Variants in GRM8 observed in about 807,000 individuals in gnomAD.
GRM8 encodes glutamate metabotropic receptor 8.
Under a neutral mutation model 87.2 loss-of-function variants are expected in GRM8, and 47 were observed. The ratio of observed to expected loss-of-function variants is 0.54; its 90% confidence interval spans 0.43 to 0.69. GRM8 has a LOEUF of 0.69. Among genes scored for constraint, GRM8 ranks in the 30% least tolerant of loss-of-function variants. GRM8 has a pLI of 0.00. For missense variants in GRM8, 1,019 were observed against 1,139.2 expected (o/e 0.89, Z 1.52); for synonymous variants, 396 against 404.5 (o/e 0.98, Z 0.25).
chr7:126,863,868 A>G (rs1257471473), intron 6 of GRM8, among the ~76,000 whole-genome samples: 2 of 151,784 alleles, frequency 1.3e-5, no homozygotes, highest in East Asian at 3.8e-4. Flanking sequence ...TATCTTTACT[A>G]ATGGTTAACT....
intron 3 of GRM8, among the ~76,000 whole-genome samples, chr7:126,993,473 A>C (rs1225407150): frequency 2.0e-5 from 3 of 152,216 alleles, no homozygotes; most frequent in African/African-American, 7.2e-5. Context: ...AAGGAACACC[A>C]CATTTTAACA....
chr7:126,713,159 C>T lies in GRM8; in HGVS notation c.1357+56706G>A, dbSNP rs934106431. ...GACACATGCACGTGAATGTTTATTA[C>T]AGTACTATTCACAATAACAAAGACT... is the stretch of plus-strand genomic sequence containing the variant. On this transcript the variant is annotated intron_variant, in intron 7 of 10. Coordinates refer to ENST00000339582, the MANE Select transcript of GRM8 (RefSeq NM_000845.3). 3.3e-5 allele frequency among the ~76,000 whole-genome samples: 5 copies of T among 152,170 alleles called. No individual in the cohort carries two copies. In the South Asian group the frequency reaches 1.0e-3, roughly 32 times the overall value.
chr7:126,503,388 G>A (rs965098558), intron 9 of GRM8, among the ~76,000 whole-genome samples: 4 of 151,996 alleles, frequency 2.6e-5, no homozygotes, highest in South Asian at 4.2e-4. Context: ...CCAAACTTTC[G>A]AAAGCAGAAG....
At chr7:127,144,413 C>G (rs1828442050) in intron 2 of GRM8, among the ~76,000 whole-genome samples, 2 of 152,034 alleles carry the variant, frequency 1.3e-5, no homozygotes, top group Admixed American at 6.6e-5. Context: ...AAAGCACTAC[C>G]CTTCATAAAT....
intron 9 of GRM8, among the ~76,000 whole-genome samples, chr7:126,497,598 C>G (rs1381446473): frequency 5.9e-5 from 9 of 152,014 alleles, no homozygotes. Flanking sequence ...TGTCCTTGCC[C>G]CATTTCTGTC....
At chr7:126,841,624 G>A (rs1469349283) in intron 6 of GRM8, among the ~76,000 whole-genome samples, 19 of 151,386 alleles carry the variant, frequency 1.3e-4, no homozygotes, top group Admixed American at 1.3e-3. Flanking sequence ...TTTATTTATT[G>A]GATTATTATT....
At chr7:127,175,833 T>C (rs17864964) in intron 2 of GRM8, among the ~76,000 whole-genome samples, 1,793 of 152,222 alleles carry the variant, frequency 0.012, 40 homozygotes, top group African/African-American at 0.041. Context: ...AGACCTGTAA[T>C]GCAGAAATTT....
At chr7:126,515,872 A>G (rs1015663230) in intron 9 of GRM8, among the ~76,000 whole-genome samples, 1 of 152,056 alleles carries the variant, frequency 6.6e-6, no homozygotes, top group Non-Finnish European at 1.5e-5. Flanking sequence ...GACATTTAAT[A>G]TATTATATTC....
intron 2 of GRM8, among the ~76,000 whole-genome samples, chr7:127,154,480 T>C (rs1348821038): frequency 2.0e-5 from 3 of 152,114 alleles, no homozygotes; most frequent in African/African-American, 4.8e-5. Flanking sequence ...TGTCTCTTCT[T>C]CTACAAAGCC....
chr7:126,511,458 G>A (rs1361153146), intron 9 of GRM8: 1 of 152,078 alleles, frequency 6.6e-6, no homozygotes, highest in Non-Finnish European at 1.5e-5. Context: ...ACCTCTTGTG[G>A]TTTTCAAATC....
At chr7:127,153,988 G>A (rs1417701805) in intron 2 of GRM8, among the ~76,000 whole-genome samples, 2 of 152,054 alleles carry the variant, frequency 1.3e-5, no homozygotes, top group Non-Finnish European at 1.5e-5. Flanking sequence ...TGAGGAGCAC[G>A]GGTGGTGAGT....
intron 7 of GRM8, among the ~76,000 whole-genome samples, chr7:126,753,520 T>C (rs1425104393): frequency 6.6e-6 from 1 of 151,828 alleles, no homozygotes; most frequent in Non-Finnish European, 1.5e-5. Flanking sequence ...TTAAGATTTC[T>C]GAAATTTTTA....
chr7:127,058,627 A>G (rs1820254184), intron 3 of GRM8, among the ~76,000 whole-genome samples: 1 of 152,166 alleles, frequency 6.6e-6, no homozygotes, highest in African/African-American at 2.4e-5. Flanking sequence ...CCTCTTCTAT[A>G]ACATTCTGAA....
At chr7:126,718,526 G>C (rs1284414077) in intron 7 of GRM8, among the ~76,000 whole-genome samples, 2 of 152,140 alleles carry the variant, frequency 1.3e-5, no homozygotes, top group Admixed American at 6.5e-5. Context: ...CTGCTGTGTG[G>C]TGGAGGCCAG....
intron 3 of GRM8, among the ~76,000 whole-genome samples, chr7:127,050,577 G>A (rs529044670): frequency 6.6e-6 from 1 of 152,274 alleles, no homozygotes; most frequent in Admixed American, 6.5e-5. Context: ...GGAGACGGAA[G>A]GGGAAGGAAA....
chr7:127,225,126 A>T (rs1310721772), intron 2 of GRM8, among the ~76,000 whole-genome samples: 1 of 152,228 alleles, frequency 6.6e-6, no homozygotes, highest in Non-Finnish European at 1.5e-5. Flanking sequence ...GGAGGAATGG[A>T]GGCATCTGCC....
intron 2 of GRM8, among the ~76,000 whole-genome samples, chr7:127,163,231 G>A (rs1393866185): frequency 6.6e-6 from 1 of 152,160 alleles, no homozygotes; most frequent in Non-Finnish European, 1.5e-5. Context: ...GCCTCAGGAA[G>A]CTTATCAGGC....
chr7:127,123,617 TC>T (rs1232790328), intron 2 of GRM8, among the ~76,000 whole-genome samples: 6 of 152,156 alleles, frequency 3.9e-5, no homozygotes, highest in African/African-American at 1.2e-4. Flanking sequence ...CCTTTTTTCT[TC>T]ATAAATTATT....
intron 8 of GRM8, among the ~76,000 whole-genome samples, chr7:126,600,212 T>C (rs150387062): frequency 0.012 from 1,847 of 152,298 alleles, 35 homozygotes; most frequent in African/African-American, 0.042. Flanking sequence ...GTTGCTTTAA[T>C]AAATTAGAAA....
Sources: allele counts gnomAD v4.1 joint callset (sites outside exome capture counted in the v4.1 genomes callset), GRCh38; gene constraint gnomAD v4.1.1; transcripts MANE v1.5; gene names NCBI Gene and HGNC (gene_info 2026-07-23, HGNC 2026-07-21).